UNC13C: variants seen among roughly 807,000 people sequenced by gnomAD.
The protein encoded by UNC13C is unc-13 homolog C.
UNC13C carries 174 observed loss-of-function variants against 245.4 expected under a neutral mutation model. That is an observed-to-expected ratio of 0.71 (90% confidence interval 0.63 to 0.80). The LOEUF (loss-of-function observed/expected upper bound fraction) is 0.80, where lower values mean the gene tolerates loss of function less well. Among genes scored for constraint, UNC13C ranks in the 30% least tolerant of loss-of-function variants. UNC13C has a pLI of 0.00. For synonymous variants in UNC13C, 992 were observed against 895.1 expected (o/e 1.11, Z -1.93); for missense variants, 2,829 against 2,602.9 (o/e 1.09, Z -1.89).
intron 4 of UNC13C, among the ~76,000 whole-genome samples, chr15:54,158,819 T>A (rs2414266): frequency 0.64 from 96,383 of 150,712 alleles, 32,389 homozygotes; most frequent in Non-Finnish European, 0.75. Context: ...CCAGCTAATT[T>A]AAAAAAAAAA....
intron 19 of UNC13C, among the ~76,000 whole-genome samples, chr15:54,433,299 A>C (rs966258212): frequency 2.1e-4 from 32 of 152,104 alleles, no homozygotes; most frequent in Admixed American, 5.9e-4. Context: ...ATTTCAGGCC[A>C]ATATCCCTGA....
intron 10 of UNC13C, among the ~76,000 whole-genome samples, chr15:54,288,677 T>G (rs1280605179): frequency 5.9e-5 from 9 of 152,024 alleles, no homozygotes; most frequent in Admixed American, 5.9e-4. Flanking sequence ...GTTGTATGAG[T>G]GTACTTATAG....
chr15:54,077,880 T>C lies in UNC13C; in HGVS notation c.2983+61994T>C, dbSNP rs185769370. Among the ~76,000 whole-genome samples, 849 of 152,318 alleles carry C rather than the reference T, an allele frequency of 5.6e-3. 9 individuals carry two copies. The highest frequency in any genetic ancestry group is 0.02 in the African/African-American group (811 of 41,562). The stretch of plus-strand genomic sequence containing the variant: ...TGTGCAGATTTGTTACGTGAGTATA[T>C]TGCAAAATGCTGGGGTTTGGGCTTC... On this transcript the variant is annotated intron_variant, in intron 2 of 32. Transcript: ENST00000260323.
At chr15:54,527,785 T>G (rs1270545716) in intron 25 of UNC13C, among the ~76,000 whole-genome samples, 1 of 152,190 alleles carries the variant, frequency 6.6e-6, no homozygotes, top group Non-Finnish European at 1.5e-5. Context: ...CAATTAGGGT[T>G]TATTAGGACT....
At chr15:54,345,718 TC>T (rs2038844550) in intron 17 of UNC13C, among the ~76,000 whole-genome samples, 1 of 152,210 alleles carries the variant, frequency 6.6e-6, no homozygotes, top group Non-Finnish European at 1.5e-5. Context: ...TTAAAATATA[TC>T]CATGTTTACG....
intron 7 of UNC13C, among the ~76,000 whole-genome samples, chr15:54,239,073 C>G (rs1386623221): frequency 1.3e-5 from 2 of 152,190 alleles, no homozygotes; most frequent in African/African-American, 4.8e-5. Context: ...GTGTCCCTCC[C>G]TATGCCTGGA....
chr15:54,538,830 C>T (rs925021060), intron 26 of UNC13C, among the ~76,000 whole-genome samples: 1 of 151,902 alleles, frequency 6.6e-6, no homozygotes, highest in Non-Finnish European at 1.5e-5. Context: ...GAACAATAGA[C>T]ACTAGAGCCT....
chr15:54,238,023 A>G (rs939615715), intron 7 of UNC13C, among the ~76,000 whole-genome samples: 5 of 147,682 alleles, frequency 3.4e-5, no homozygotes, highest in African/African-American at 1.0e-4. Context: ...AACATCTTCC[A>G]TCTTCCTCCC....
the UNC13C span, among the ~76,000 whole-genome samples, chr15:53,856,177 T>G: frequency 1.3e-5 from 2 of 152,112 alleles, no homozygotes; most frequent in African/African-American, 4.8e-5. Flanking sequence ...TATTCTTCTC[T>G]TTTTTCTTCT....
the UNC13C span, among the ~76,000 whole-genome samples, chr15:53,964,483 G>T: frequency 6.6e-6 from 1 of 152,104 alleles, no homozygotes; most frequent in Non-Finnish European, 1.5e-5. Context: ...AATAATTACT[G>T]GGTAGCCAAT....
chr15:54,568,086 A>G (rs1445006976), intron 30 of UNC13C, 139 bp downstream of exon 30: 7 of 526,336 alleles, frequency 1.3e-5, no homozygotes, highest in Non-Finnish European at 2.1e-5. Context: ...GTTATGGTTA[A>G]TAGAGAATAC....
At chr15:53,871,899 C>T in the UNC13C span, among the ~76,000 whole-genome samples, 2 of 152,176 alleles carry the variant, frequency 1.3e-5, no homozygotes, top group Admixed American at 6.6e-5. Context: ...TACACACACA[C>T]ACAAAAGAAA....
chr15:54,609,298 T>C (rs1899948706), intron 30 of UNC13C: 1 of 152,242 alleles, frequency 6.6e-6, no homozygotes, highest in Non-Finnish European at 1.5e-5. Flanking sequence ...CACTGCTCCA[T>C]CTACCCATTG....
At chr15:54,350,691 C>A (rs1480240573) in intron 17 of UNC13C, among the ~76,000 whole-genome samples, 1 of 152,144 alleles carries the variant, frequency 6.6e-6, no homozygotes, top group East Asian at 1.9e-4. Flanking sequence ...TTCTGCCCCA[C>A]GTGGCCATAC....
the UNC13C span, among the ~76,000 whole-genome samples, chr15:53,858,780 C>T: frequency 3.9e-5 from 6 of 152,114 alleles, no homozygotes; most frequent in African/African-American, 9.7e-5. Flanking sequence ...GGCTAACACA[C>T]TGCTTCTTAA....
At chr15:54,202,921 G>A (rs987007244) in intron 4 of UNC13C, among the ~76,000 whole-genome samples, 8 of 151,872 alleles carry the variant, frequency 5.3e-5, no homozygotes, top group Non-Finnish European at 8.8e-5. Context: ...CAATACATCC[G>A]ACAAAGGACT....
intron 17 of UNC13C, among the ~76,000 whole-genome samples, chr15:54,375,935 A>G (rs886984157): frequency 1.3e-5 from 2 of 152,242 alleles, no homozygotes; most frequent in African/African-American, 4.8e-5. Flanking sequence ...ACACAGCAAA[A>G]GAAAACAAAC....
intron 5 of UNC13C, 143 bp downstream of exon 5, chr15:54,235,251 T>C (rs768029957): frequency 8.8e-6 from 5 of 570,832 alleles, no homozygotes; most frequent in Non-Finnish European, 1.2e-5. Context: ...CCTGCTGTTA[T>C]ATTTATTATT....
rs369423827 is a variant in UNC13C at position 54,511,810 on chromosome 15, G to A, written c.5437G>A (p.Glu1813Lys). The A allele has an allele frequency of 1.2e-6, 2 of 1,608,980 alleles. No individual in the cohort carries two copies. Among genetic ancestry groups the A allele is most frequent in the African/African-American group, 2.7e-5 (2 of 74,730 alleles). Residue 1813 changes from glutamate to lysine, a missense_variant, in exon 24 of 33, where the codon GAA (glutamate) becomes AAA (lysine). Coordinates refer to ENST00000260323, the MANE Select transcript of UNC13C (RefSeq NM_001080534.3). ...QLRVQLEKMFESMGGKELDSE... is the reference protein window; with the variant it reads ...QLRVQLEKMFKSMGGKELDSE... ...GCGGGTCCAGCTGGAAAAAATGTTT[G>A]AATCCATGGGAGGGAAGGAGGTGGG...
Sources: allele counts gnomAD v4.1 joint callset (sites outside exome capture counted in the v4.1 genomes callset), GRCh38; gene constraint gnomAD v4.1.1; transcripts MANE v1.5; gene names NCBI Gene and HGNC (gene_info 2026-07-23, HGNC 2026-07-21).